The following ICE2 variants were observed in gnomAD, a reference collection of about 807,000 sequenced individuals.
ICE2 encodes little elongation complex subunit 2.
A neutral mutation model predicts 105.4 loss-of-function variants in ICE2; 87 were observed. The ratio of observed to expected loss-of-function variants is 0.83; its 90% CI spans 0.69 to 0.99. The LOEUF is 0.99. Among genes scored for constraint, ICE2 ranks in the 50% least tolerant of loss-of-function variants. The pLI, the probability that ICE2 is intolerant of heterozygous loss-of-function variation, is 0.00. For missense variants in ICE2, 1,323 were observed against 1,146.7 expected (o/e 1.15, Z -2.22); for synonymous variants, 399 against 392.0 (o/e 1.02, Z -0.21).
intron 11 of ICE2, among the ~76,000 whole-genome samples, chr15:60,446,247 A>AT (rs934507535): frequency 1.3e-5 from 2 of 152,252 alleles, no homozygotes; most frequent in Non-Finnish European, 2.9e-5. Context: ...TTAACAAAAG[A>AT]TAAAAACATT....
intron 3 of ICE2, among the ~76,000 whole-genome samples, chr15:60,472,696 C>T (rs1310531752): frequency 2.0e-5 from 3 of 151,980 alleles, no homozygotes; most frequent in East Asian, 1.9e-4. Context: ...TGAAAAGAAC[C>T]GTAAAAATAA....
intron 3 of ICE2, among the ~76,000 whole-genome samples, chr15:60,472,641 C>A (rs2064635540): frequency 6.6e-6 from 1 of 152,058 alleles, no homozygotes; most frequent in African/African-American, 2.4e-5. Context: ...TTGTACAAAG[C>A]CAGGCTATAA....
In ICE2 at chr15:60,453,513, T is replaced by A. The variant is rs566026149; in HGVS notation, c.1125+90A>T. On this transcript the variant is annotated intron_variant, in intron 9 of 15. Coordinates refer to ENST00000261520, the MANE Select transcript of ICE2 (RefSeq NM_024611.6). Reference sequence around the variant, plus strand: ...TGAATCTAAAGCCTGTATTTTTAACTACTAGGTTTAGGGATTTGCAATAAA... The same window carrying A: ...TGAATCTAAAGCCTGTATTTTTAACAACTAGGTTTAGGGATTTGCAATAAA... 2.6e-6 allele frequency: 4 copies of A among 1,527,210 alleles called. No homozygotes were observed. The African/African-American group carries it at 5.6e-5, about 21-fold the overall frequency. The allele number at this position is 1,527,210 out of a possible 1,614,324, so 94.6% of individuals were successfully genotyped here. A position where few individuals can be genotyped will look rare whatever the true frequency, so the allele number is the denominator to read the frequency against.
chr15:60,422,096 T>C lies in ICE2; in HGVS notation c.*1538A>G, dbSNP rs1455807352. 1 of 151,834 alleles carries C rather than the reference T, an allele frequency of 6.6e-6. No homozygotes were observed. The highest frequency in any genetic ancestry group is 1.5e-5 in the Non-Finnish European group (1 of 67,978). The allele number at this position is 151,834 out of a possible 1,614,324, so 9.4% of individuals were successfully genotyped here. A position where few individuals can be genotyped will look rare whatever the true frequency, so the allele number is the denominator to read the frequency against. ...AAATGACATACATAATTTCTGAAAA[T>C]TTTAGTGTAAGGGTTCTAAAGATTA... On this transcript the variant is annotated 3_prime_UTR_variant, in exon 16 of 16. Coordinates refer to ENST00000261520, the MANE Select transcript of ICE2 (RefSeq NM_024611.6).
chr15:60,473,152 G>A (rs370544950), intron 3 of ICE2, among the ~76,000 whole-genome samples: 5 of 151,804 alleles, frequency 3.3e-5, no homozygotes, highest in South Asian at 2.1e-4. Context: ...TATGTTGCCC[G>A]GGCTGGTCTT....
At chr15:60,464,022 T>C (rs1280767762) in intron 5 of ICE2, among the ~76,000 whole-genome samples, 1 of 152,250 alleles carries the variant, frequency 6.6e-6, no homozygotes, top group Admixed American at 6.5e-5. Context: ...TCTGTTAAGC[T>C]GCATCTATTT....
At chr15:60,423,981 G>A (rs2063283955) in intron 15 of ICE2, among the ~76,000 whole-genome samples, 1 of 152,194 alleles carries the variant, frequency 6.6e-6, no homozygotes, top group Non-Finnish European at 1.5e-5. Flanking sequence ...ATAGATCTGA[G>A]TAGATGGGGA....
At chr15:60,465,587 C>T (rs959575213) in intron 5 of ICE2, among the ~76,000 whole-genome samples, 1 of 151,884 alleles carries the variant, frequency 6.6e-6, no homozygotes, top group Non-Finnish European at 1.5e-5. Context: ...CACCTTATCC[C>T]TTTTTAAGTG....
chr15:60,448,471 G>T (rs2063876082), intron 10 of ICE2, among the ~76,000 whole-genome samples: 1 of 152,198 alleles, frequency 6.6e-6, no homozygotes, highest in South Asian at 2.1e-4. Flanking sequence ...CTGAGGAGCA[G>T]ATTTATTTCA....
At chr15:60,456,540 C>CAA (rs1425301397) in intron 6 of ICE2, 117 bp downstream of exon 6, 2,292 of 36,040 alleles carry the variant, frequency 0.064, 234 homozygotes, top group Non-Finnish European at 0.075. Flanking sequence ...ACTCTGTCTC[C>CAA]AAAAAAAAAA....
chr15:60,460,414 CTGG>C (rs2064242573), intron 5 of ICE2, among the ~76,000 whole-genome samples: 1 of 152,204 alleles, frequency 6.6e-6, no homozygotes, highest in Non-Finnish European at 1.5e-5. Context: ...AGGAGAGTTG[CTGG>C]AACCCGCGAG....
rs1021513406 is a variant in ICE2 at position 60,442,614 on chromosome 15, T to C, written c.2296-69A>G. 2.3e-5 allele frequency: 29 copies of C among 1,262,208 alleles called. No homozygotes were observed. In the Admixed American group the frequency reaches 3.9e-4, roughly 17 times the overall value. 78.2% of individuals were successfully genotyped at this position (1,262,208 alleles called of 1,614,324 possible). A position where few individuals can be genotyped will look rare whatever the true frequency, so the allele number is the denominator to read the frequency against. The stretch of plus-strand genomic sequence containing the variant: ...TATTAATAGCAAATACATTTGCCTA[T>C]ACAGCTTTGCCACTTTCAAAATGCT... On this transcript the variant is annotated intron_variant, in intron 11 of 15. Coordinates refer to ENST00000261520, the MANE Select transcript of ICE2 (RefSeq NM_024611.6).
chr15:60,442,581 T>G, intron 11 of ICE2, 36 bp from the exon 12 acceptor site: 1 of 1,504,116 alleles, frequency 6.6e-7, no homozygotes, highest in Non-Finnish European at 9.0e-7. Context: ...AAAGCTCTAT[T>G]AATTTACTAT....
Position 60,449,066 on chromosome 15 carries a change from G to T in ICE2, c.1901C>A (p.Pro634His). 6.2e-7 allele frequency: 1 copy of T among 1,613,386 alleles called. No homozygotes were observed. Among genetic ancestry groups the T allele is most frequent in the Non-Finnish European group, 8.5e-7 (1 of 1,179,648 alleles). The change falls in exon 10 of 16, where the codon CCT becomes CAT. Residue 634 changes from proline (P) to histidine (H), a missense_variant. By Grantham distance (77) the Pro-to-His change is moderately conservative. Transcript: ENST00000261520. Reference protein sequence around the residue: ...SPEESCVLKKPIKRVYKKFDP... With the variant: ...SPEESCVLKKHIKRVYKKFDP... ...AAATTTTTTATATACTCGTTTGATAGGTTTTTTTAAAACACATGACTCTTC... is the reference window on the plus strand; with the variant it reads ...AAATTTTTTATATACTCGTTTGATATGTTTTTTTAAAACACATGACTCTTC...
At position 60,449,791 on chromosome 15, in the gene ICE2, C is replaced by G; in HGVS notation, c.1176G>C (p.Leu392Phe). Reference protein sequence around the residue: ...ECRKIESLENLYLDFDDDVTE... With the variant: ...ECRKIESLENFYLDFDDDVTE... ...TGACATCATCATCAAAATCCAAATA[C>G]AAGTTTTCAAGACTCTCAATTTTTC... Residue 392 changes from leucine to phenylalanine, a missense_variant, in exon 10 of 16, where the codon TTG becomes TTC. Leu to Phe is a conservative substitution (Grantham distance 22). Coordinates refer to ENST00000261520, the MANE Select transcript of ICE2 (RefSeq NM_024611.6). The G allele has an allele frequency of 6.2e-7, 1 of 1,613,872 alleles. No individual in the cohort carries two copies. Among genetic ancestry groups the G allele is most frequent in the Non-Finnish European group, 8.5e-7 (1 of 1,179,926 alleles).
At chr15:60,470,846 A>G (rs951088826) in intron 3 of ICE2, among the ~76,000 whole-genome samples, 3 of 152,116 alleles carry the variant, frequency 2.0e-5, no homozygotes, top group Admixed American at 6.6e-5. Flanking sequence ...TTTAAAAATT[A>G]TATCTATTAA....
At chr15:60,459,034 GGT>G (rs2064202405) in intron 5 of ICE2, among the ~76,000 whole-genome samples, 2 of 152,118 alleles carry the variant, frequency 1.3e-5, no homozygotes, top group East Asian at 3.9e-4. Context: ...GATGGATGGT[GGT>G]GATACCTGCA....
chr15:60,434,346 T>C (rs902051763), intron 13 of ICE2, among the ~76,000 whole-genome samples: 1 of 152,208 alleles, frequency 6.6e-6, no homozygotes, highest in Non-Finnish European at 1.5e-5. Context: ...TTCCCTTTCC[T>C]GTAATGGAGT....
At chr15:60,458,298 G>C (rs549825729) in intron 5 of ICE2, among the ~76,000 whole-genome samples, 3 of 152,218 alleles carry the variant, frequency 2.0e-5, no homozygotes, top group East Asian at 1.9e-4. Flanking sequence ...CACCCACTGA[G>C]TGCTATTAGT....
Sources: allele counts gnomAD v4.1 joint callset (sites outside exome capture counted in the v4.1 genomes callset), GRCh38; gene constraint gnomAD v4.1.1; transcripts MANE v1.5; gene names NCBI Gene and HGNC (gene_info 2026-07-23, HGNC 2026-07-21).